HERC2: variants seen among roughly 807,000 people sequenced by gnomAD.
The protein encoded by HERC2 is E3 ubiquitin-protein ligase HERC2.
A neutral mutation model predicts 537.7 loss-of-function variants in HERC2; 102 were observed. The ratio of observed to expected loss-of-function variants is 0.19; its 90% CI spans 0.16 to 0.22. The LOEUF (loss-of-function observed/expected upper bound fraction) is 0.22. Ranked by LOEUF, HERC2 falls within the 10% of genes least tolerant of loss-of-function variation. The pLI is 1.00. For synonymous variants in HERC2, 2,224 were observed against 2,466.2 expected (o/e 0.90, Z 2.91); for missense variants, 4,236 against 6,198.2 (o/e 0.68, Z 10.63).
intron 38 of HERC2, among the ~76,000 whole-genome samples, chr15:28,217,010 ACT>A (rs1424082772): frequency 6.6e-6 from 1 of 151,984 alleles, no homozygotes; most frequent in Non-Finnish European, 1.5e-5. Flanking sequence ...GCTCACATTC[ACT>A]CACACGCATT....
At chr15:28,199,711 C>T (rs6497288) in intron 48 of HERC2, among the ~76,000 whole-genome samples, 1 of 152,004 alleles carries the variant, frequency 6.6e-6, no homozygotes, top group Non-Finnish European at 1.5e-5. Context: ...ACCCACCCAA[C>T]CCTGCTTGCC....
intron 4 of HERC2, among the ~76,000 whole-genome samples, chr15:28,283,077 T>C (rs1429664710): frequency 5.2e-5 from 7 of 135,568 alleles, no homozygotes; most frequent in African/African-American, 1.9e-4. Context: ...TGGGGACCTA[T>C]GGGACTATAA....
At chr15:28,289,856 G>A (rs1430963969) in intron 4 of HERC2, among the ~76,000 whole-genome samples, 2 of 151,694 alleles carry the variant, frequency 1.3e-5, no homozygotes, top group South Asian at 2.1e-4. Flanking sequence ...AGGATGACAC[G>A]CCGCAGTGAA....
Position 28,174,425 on chromosome 15 carries a change from C to A in HERC2, c.10027G>T (p.Ala3343Ser), listed in dbSNP as rs769531855. ...TAGGAAGCACCTAAAGGGTCTCTTGCAGTCTGGAAGAGGACGGGCTCGTGG... is the reference window on the plus strand; with the variant it reads ...TAGGAAGCACCTAAAGGGTCTCTTGAAGTCTGGAAGAGGACGGGCTCGTGG... ...SVHEPVLFQT[A>S]RDPLGASYLG... The change falls in exon 65 of 93, where the codon GCA becomes TCA. Residue 3343 changes from alanine (A) to serine (S), a missense_variant. By Grantham distance (99) the Ala-to-Ser change is moderately conservative (BLOSUM62 1). Around this residue, in one of 27 missense-constraint regions of HERC2, gnomAD observed 93 missense variants for 265.1 expected, o/e 0.35. Coordinates refer to ENST00000261609, the MANE Select transcript of HERC2 (RefSeq NM_004667.6). 6.2e-7 allele frequency: 1 copy of A among 1,611,924 alleles called. No homozygotes were observed.
chr15:28,306,919 C>T (rs2076805253), intron 2 of HERC2, among the ~76,000 whole-genome samples: 1 of 152,226 alleles, frequency 6.6e-6, no homozygotes, highest in South Asian at 2.1e-4. Flanking sequence ...ACTGCAACCT[C>T]CACCTCCCAG....
At chr15:28,150,136 T>C (rs113623981) in intron 70 of HERC2, among the ~76,000 whole-genome samples, 7,107 of 148,130 alleles carry the variant, frequency 0.048, 536 homozygotes, top group African/African-American at 0.17. Flanking sequence ...AGAACATCAC[T>C]GAGAATAGCC....
chr15:28,132,136 G>T lies in HERC2; in HGVS notation c.12534C>A (p.Gly4178=), dbSNP rs775163120. ...CTTTACAGCCATCGCTGCCTCCCCG[G>T]CCGAGCTTGCCGTAGTCCCCGTCCC... The part of the protein sequence containing the change: ...SWGDGDYGKL[G]RGGSDGCKVP... Residue 4178 remains glycine, a synonymous_variant, in exon 81 of 93, where the codon GGC becomes GGA. Coordinates refer to ENST00000261609, the MANE Select transcript of HERC2 (RefSeq NM_004667.6). The T allele has an allele frequency of 1.2e-6, 2 of 1,612,430 alleles. No homozygotes were observed. Among genetic ancestry groups the T allele is most frequent in the Non-Finnish European group, 1.7e-6 (2 of 1,178,924 alleles).
chr15:28,141,661 T>C lies in HERC2; in HGVS notation c.11817-31A>G, dbSNP rs202200969. The C allele has an allele frequency of 4.3e-5, 70 of 1,613,330 alleles. 1 individual carries two copies. The East Asian group carries it at 1.3e-3, about 30-fold the overall frequency. On this transcript the variant is annotated intron_variant, in intron 77 of 92. Transcript: ENST00000261609. ...ATACACATCAAGTGAGCATTTGCCA[T>C]GGGCAAGAACAATGCACACAGCCTC...
chr15:28,157,408 G>T (rs1278993233), intron 69 of HERC2, among the ~76,000 whole-genome samples: 1 of 152,128 alleles, frequency 6.6e-6, no homozygotes, highest in Non-Finnish European at 1.5e-5. Context: ...ATTAATTATT[G>T]CCTCCATTTC....
Position 28,266,521 on chromosome 15 carries a change from AAAAG to A in HERC2, c.1599-551_1599-548del, listed in dbSNP as rs2075572438. Among the ~76,000 whole-genome samples the A allele has an allele frequency of 1.3e-5, 2 of 152,156 alleles. 1 individual carries two copies. The highest frequency in any genetic ancestry group is 4.1e-4 in the South Asian group (2 of 4,828). ...CAAGAACAAAACTCCATCTCAAAAA[AAAAG>A]AGACTTGTAAAGTCCACTGCAGCTT... is the stretch of plus-strand genomic sequence containing the variant. On this transcript the variant is annotated intron_variant, in intron 12 of 92. Transcript: ENST00000261609.
At chr15:28,231,597 C>A (rs1177598737) in intron 30 of HERC2, among the ~76,000 whole-genome samples, 1 of 152,168 alleles carries the variant, frequency 6.6e-6, no homozygotes, top group Admixed American at 6.5e-5. Context: ...AGCACATCCA[C>A]GTGACGCCAC....
At chr15:28,195,608 T>C (rs568373032) in intron 52 of HERC2, among the ~76,000 whole-genome samples, 11 of 152,056 alleles carry the variant, frequency 7.2e-5, no homozygotes, top group Admixed American at 5.9e-4. Context: ...TTCACCTAGA[T>C]GAGATGTCTG....
rs2075259677 is a variant in HERC2 at position 28,256,303 on chromosome 15, A to G, written c.2532T>C (p.Ile844=). The change falls in exon 18 of 93, where the codon ATT becomes ATC. Residue 844 remains isoleucine (I), a synonymous_variant. Transcript: ENST00000261609. The stretch of plus-strand genomic sequence containing the variant: ...GGAATTCCGGGTCAACCTGGTGACT[A>G]ATGGCAGCATGCAACTGAAAGGAGA... ...NLLRLQLHAA[I]SHQVDPEFLG... 6.3e-7 allele frequency: 1 copy of G among 1,594,208 alleles called. No homozygotes were observed.
intron 34 of HERC2, among the ~76,000 whole-genome samples, chr15:28,228,862 T>C (rs1306405767): frequency 6.6e-6 from 1 of 152,226 alleles, no homozygotes; most frequent in East Asian, 1.9e-4. Context: ...TGTCTCACTT[T>C]TCCTCCACAA....
intron 26 of HERC2, among the ~76,000 whole-genome samples, chr15:28,234,738 AG>A (rs1301531559): frequency 6.7e-6 from 1 of 149,710 alleles, no homozygotes; most frequent in Non-Finnish European, 1.5e-5. Flanking sequence ...CGCTATTCTG[AG>A]GGTCAGTGAG....
chr15:28,159,160 G>A (rs1893317301), intron 69 of HERC2, among the ~76,000 whole-genome samples: 1 of 152,154 alleles, frequency 6.6e-6, no homozygotes, highest in African/African-American at 2.4e-5. Context: ...CTCTCTGGCT[G>A]CCCTTAACAT....
At position 28,268,992 on chromosome 15, in the gene HERC2, A is replaced by G. The variant is rs1251682840; in HGVS notation, c.1446+256T>C. On this transcript the variant is annotated intron_variant, in intron 11 of 92. Transcript: ENST00000261609. The surrounding 1 kb of genome is among the most constrained non-coding windows in gnomAD (Gnocchi z 4.7). ...ACCTGTCTGGCCCCAACGTCAAATG[A>G]GTTTACACGTGGAAATGAGTTTACA... Among the ~76,000 whole-genome samples the G allele has an allele frequency of 6.6e-6, 1 of 152,204 alleles. No homozygotes were observed. Among genetic ancestry groups the G allele is most frequent in the Non-Finnish European group, 1.5e-5 (1 of 68,030 alleles).
chr15:28,238,797 G>A, intron 23 of HERC2, 25 bp from the exon 24 acceptor site: 2 of 1,533,982 alleles, frequency 1.3e-6, no homozygotes, highest in Non-Finnish European at 1.8e-6. Flanking sequence ...ACCAGAATCA[G>A]TCCATTGATC....
intron 47 of HERC2, among the ~76,000 whole-genome samples, 186 bp from the exon 48 acceptor site, chr15:28,201,740 G>C (rs1324447117): frequency 6.6e-6 from 1 of 152,124 alleles, no homozygotes; most frequent in African/African-American, 2.4e-5. Context: ...AATCTCAAAA[G>C]CTACAAGTAT....
Sources: gnomAD v4.1 joint callset for allele counts (sites outside exome capture counted in the v4.1 genomes callset) on GRCh38, gnomAD v4.1.1 for gene constraint, gnomAD v4.1.1 regional missense constraint, Gnocchi (gnomAD v3.1) non-coding constraint, MANE v1.5 for transcripts, NCBI Gene and HGNC (gene_info 2026-07-23, HGNC 2026-07-21) for gene names.